CAMK1D: variants seen among roughly 807,000 people sequenced by gnomAD.
CAMK1D encodes the protein calcium/calmodulin dependent protein kinase ID.
In CAMK1D, 9 loss-of-function variants were observed where a neutral mutation model predicts 47.7. The ratio of observed to expected loss-of-function variants is 0.19; its 90% CI spans 0.11 to 0.33. CAMK1D has a LOEUF of 0.33. CAMK1D is among the 10% of genes least tolerant of loss of function. CAMK1D has a pLI of 1.00. For synonymous variants in CAMK1D, 184 were observed against 184.9 expected, an observed-to-expected ratio of 0.99 and a Z score of 0.04; for missense variants, 291 against 488.7, an observed-to-expected ratio of 0.60 and a Z score of 3.81.
At chr10:12,608,231 C>G (rs1455239548) in intron 2 of CAMK1D, among the ~76,000 whole-genome samples, 2 of 152,124 alleles carry the variant, frequency 1.3e-5, no homozygotes, top group African/African-American at 2.4e-5. Flanking sequence ...CCAGCCTGGC[C>G]AACATGGCGG....
intron 1 of CAMK1D, among the ~76,000 whole-genome samples, chr10:12,380,984 G>T (rs1332800378): frequency 6.6e-6 from 1 of 152,232 alleles, no homozygotes; most frequent in Non-Finnish European, 1.5e-5. Context: ...ATGGTTTGAG[G>T]TTGAGATGAA....
intron 3 of CAMK1D, among the ~76,000 whole-genome samples, chr10:12,685,205 G>T (rs750861539): frequency 1.1e-4 from 17 of 152,308 alleles, no homozygotes; most frequent in Non-Finnish European, 2.4e-4. Flanking sequence ...GGAGGCTGAG[G>T]CAGGAGAAAC....
intron 1 of CAMK1D, among the ~76,000 whole-genome samples, chr10:12,505,460 C>T (rs184867560): frequency 2.0e-5 from 3 of 152,314 alleles, no homozygotes; most frequent in Non-Finnish European, 4.4e-5. Context: ...CAAAAGCCTC[C>T]TAATGTGACC....
intron 5 of CAMK1D, among the ~76,000 whole-genome samples, chr10:12,778,392 G>C (rs1400355959): frequency 6.6e-6 from 1 of 152,186 alleles, no homozygotes; most frequent in Non-Finnish European, 1.5e-5. Context: ...CCTTTGCAAG[G>C]ACTGTGGCCT....
chr10:12,562,398 C>T (rs930748461), intron 2 of CAMK1D, among the ~76,000 whole-genome samples: 18 of 152,200 alleles, frequency 1.2e-4, no homozygotes, highest in African/African-American at 4.1e-4. Context: ...TTGGAGGACA[C>T]GCTCAAAGCA....
intron 6 of CAMK1D, among the ~76,000 whole-genome samples, chr10:12,809,701 AAG>A (rs1191075866): frequency 6.6e-6 from 1 of 152,234 alleles, no homozygotes; most frequent in Non-Finnish European, 1.5e-5. Flanking sequence ...CATAGAATGA[AAG>A]AGTGGAAATG....
chr10:12,714,549 T>C (rs1834047247), intron 3 of CAMK1D, among the ~76,000 whole-genome samples: 1 of 151,992 alleles, frequency 6.6e-6, no homozygotes, highest in Non-Finnish European at 1.5e-5. Flanking sequence ...TGAAACCCTG[T>C]CTCACTAAAA....
chr10:12,765,958 C>CTT lies in CAMK1D; in HGVS notation c.439-3692_439-3691dup, dbSNP rs147498267. Among the ~76,000 whole-genome samples the CTT allele has an allele frequency of 7.3e-3, 632 of 86,442 alleles. 13 individuals are homozygous for CTT. The highest frequency in any genetic ancestry group is 0.018 in the East Asian group (51 of 2,828). The allele number at this position is 86,442 out of a possible 152,430, so 56.7% of individuals were successfully genotyped here. ...AAAAGCTGGCTGCCCCCATCCTAATCTTTTTTTTTTTTTTTTTTTTTTTTG... is the reference window on the plus strand; with the variant it reads ...AAAAGCTGGCTGCCCCCATCCTAATCTTTTTTTTTTTTTTTTTTTTTTTTTTG... On this transcript the variant is annotated intron_variant, in intron 4 of 10. Coordinates refer to ENST00000619168, the MANE Select transcript of CAMK1D (RefSeq NM_153498.4).
intron 1 of CAMK1D, among the ~76,000 whole-genome samples, chr10:12,370,293 A>G (rs1837966826): frequency 6.6e-6 from 1 of 152,162 alleles, no homozygotes; most frequent in Non-Finnish European, 1.5e-5. Context: ...TCCGGCACAT[A>G]CAATTATGTG....
At chr10:12,421,298 T>G (rs1029440348) in intron 1 of CAMK1D, among the ~76,000 whole-genome samples, 7 of 152,134 alleles carry the variant, frequency 4.6e-5, no homozygotes, top group African/African-American at 1.7e-4. Context: ...GCATCTAGTT[T>G]CTACGGTTAA....
intron 1 of CAMK1D, among the ~76,000 whole-genome samples, chr10:12,407,252 C>T (rs927705236): frequency 2.6e-5 from 4 of 152,240 alleles, no homozygotes; most frequent in Non-Finnish European, 5.9e-5. Flanking sequence ...GCAGAGCCGC[C>T]GTGAGGACTG....
intron 1 of CAMK1D, among the ~76,000 whole-genome samples, chr10:12,438,457 TAAG>T (rs1272491503): frequency 2.0e-5 from 3 of 152,246 alleles, no homozygotes; most frequent in Non-Finnish European, 2.9e-5. Context: ...GTTTCTTTCT[TAAG>T]AAGATTCTAA....
intron 1 of CAMK1D, among the ~76,000 whole-genome samples, chr10:12,453,537 A>G (rs11257802): frequency 0.25 from 37,342 of 152,078 alleles, 5,089 homozygotes; most frequent in Middle Eastern, 0.37. Context: ...GTATGGCTAG[A>G]TCATATTTCG....
At chr10:12,635,337 G>A (rs769679087) in intron 2 of CAMK1D, among the ~76,000 whole-genome samples, 30 of 152,210 alleles carry the variant, frequency 2.0e-4, no homozygotes, top group Admixed American at 2.0e-4. Context: ...GCCCTTTTAA[G>A]TTGCTTGTTT....
chr10:12,755,869 A>G (rs1451791595), intron 3 of CAMK1D, among the ~76,000 whole-genome samples: 1 of 152,212 alleles, frequency 6.6e-6, no homozygotes, highest in Non-Finnish European at 1.5e-5. Context: ...CTAAACATAA[A>G]GAAGAGAAAT....
chr10:12,382,823 TCAAACAAA>T (rs374489465), intron 1 of CAMK1D, among the ~76,000 whole-genome samples: 5 of 152,084 alleles, frequency 3.3e-5, no homozygotes, highest in African/African-American at 7.2e-5. Flanking sequence ...AGACTTCATC[TCAAACAAA>T]CAAACAAACA....
chr10:12,767,140 A>C (rs905036598), intron 4 of CAMK1D, among the ~76,000 whole-genome samples: 1 of 152,182 alleles, frequency 6.6e-6, no homozygotes, highest in African/African-American at 2.4e-5. Flanking sequence ...TTGTGAACCC[A>C]AAAATACCTG....
intron 3 of CAMK1D, among the ~76,000 whole-genome samples, chr10:12,702,569 C>T (rs985278661): frequency 1.3e-5 from 2 of 152,152 alleles, no homozygotes; most frequent in Non-Finnish European, 2.9e-5. Flanking sequence ...CAGTGTGGGC[C>T]GCACCTGTGC....
chr10:12,779,875 T>C (rs954668776), intron 5 of CAMK1D, among the ~76,000 whole-genome samples: 1 of 152,206 alleles, frequency 6.6e-6, no homozygotes, highest in African/African-American at 2.4e-5. Context: ...CATCGTTCTG[T>C]CTAGAAGCAG....
Sources: gnomAD v4.1 joint callset for allele counts (sites outside exome capture counted in the v4.1 genomes callset) on GRCh38, gnomAD v4.1.1 for gene constraint, MANE v1.5 for transcripts, NCBI Gene and HGNC (gene_info 2026-07-23, HGNC 2026-07-21) for gene names.